The following FUBP1 variants were observed in gnomAD, a reference collection of about 807,000 sequenced individuals.
FUBP1 encodes far upstream element-binding protein 1.
A neutral mutation model predicts 94.9 loss-of-function variants in FUBP1; 16 were observed. The observed-to-expected ratio is 0.17, with a 90% CI of 0.11 to 0.26. The LOEUF is 0.26. FUBP1 is among the 10% of genes least tolerant of loss of function. The pLI, the probability that FUBP1 is intolerant of heterozygous loss-of-function variation, is 1.00. For synonymous variants in FUBP1, 279 were observed against 254.9 expected, an observed-to-expected ratio of 1.09 and a Z score of -0.90; for missense variants, 583 against 808.6, an observed-to-expected ratio of 0.72 and a Z score of 3.38.
chr1:77,976,057 T>A (rs1658538137), intron 1 of FUBP1, among the ~76,000 whole-genome samples: 1 of 152,172 alleles, frequency 6.6e-6, no homozygotes, highest in Non-Finnish European at 1.5e-5. Context: ...TGAAGCTCCT[T>A]GAGAGCAGGA....
rs1651954186 is a variant in FUBP1 at position 77,945,442 on chromosome 1, C to A, written c.*3324G>T. On this transcript the variant is annotated 3_prime_UTR_variant, in exon 20 of 20. Coordinates refer to ENST00000370768, the MANE Select transcript of FUBP1 (RefSeq NM_003902.5). ...AGTGATCAAAAGCAGGTACATTACA[C>A]CCTATACCATATTATGTATGGGAAT... is the stretch of plus-strand genomic sequence containing the variant. The A allele has an allele frequency of 4.7e-6, 1 of 212,528 alleles. No individual in the cohort carries two copies. Among genetic ancestry groups the A allele is most frequent in the Admixed American group, 5.9e-5 (1 of 17,062 alleles). 13.2% of individuals were successfully genotyped at this position (212,528 alleles called of 1,614,324 possible). A position where few individuals can be genotyped will look rare whatever the true frequency, so the allele number is the denominator to read the frequency against.
rs2102374965 is a variant in FUBP1 at position 77,962,828 on chromosome 1, A to G, written c.1286T>C (p.Ile429Thr). The G allele has an allele frequency of 6.2e-7, 1 of 1,612,396 alleles. No homozygotes were observed. The highest frequency in any genetic ancestry group is 8.5e-7 in the Non-Finnish European group (1 of 1,178,468). Residue 429 changes from isoleucine (I) to threonine (T), a missense_variant, in exon 14 of 20, where the codon ATT becomes ACT. By Grantham distance (89) the Ile-to-Thr change is moderately conservative. Coordinates refer to ENST00000370768, the MANE Select transcript of FUBP1 (RefSeq NM_003902.5). ...NADPNMKLFT[I>T]RGTPQQIDYA... ...GTCTATCTGTTGTGGAGTGCCACGAATTGTAAATAACTTCATATTAGGATC... is the reference window on the plus strand; with the variant it reads ...GTCTATCTGTTGTGGAGTGCCACGAGTTGTAAATAACTTCATATTAGGATC...
chr1:77,962,446 A>G (rs951002363), intron 14 of FUBP1, among the ~76,000 whole-genome samples: 1 of 152,192 alleles, frequency 6.6e-6, no homozygotes, highest in Non-Finnish European at 1.5e-5. Context: ...ATCTTAATAA[A>G]TAATGAATTC....
Position 77,949,286 on chromosome 1 carries a change from C to A in FUBP1, c.1795G>T (p.Ala599Ser), listed in dbSNP as rs1182831029. ...YYKKMGQAVP[A>S]PTGAPPGGQP... ...CCACCTGGAGGAGCCCCAGTCGGAGCAGGAACTGCCTGACCTTTGAAAAAA... is the reference window on the plus strand; with the variant it reads ...CCACCTGGAGGAGCCCCAGTCGGAGAAGGAACTGCCTGACCTTTGAAAAAA... The change falls in exon 19 of 20, where the codon GCT (alanine) becomes TCT (serine). Residue 599 changes from alanine to serine, a missense_variant. Ala to Ser is a moderately conservative substitution (Grantham distance 99). Transcript: ENST00000370768. The A allele has an allele frequency of 1.9e-6, 3 of 1,613,702 alleles. No homozygotes were observed. Among genetic ancestry groups the A allele is most frequent in the Non-Finnish European group, 2.5e-6 (3 of 1,179,628 alleles).
intron 17 of FUBP1, among the ~76,000 whole-genome samples, chr1:77,955,996 T>C (rs1247535209): frequency 6.6e-6 from 1 of 152,168 alleles, no homozygotes; most frequent in Non-Finnish European, 1.5e-5. Flanking sequence ...TTCAAAAGGA[T>C]ATAGGCACCA....
Position 77,948,408 on chromosome 1 carries a change from G to T in FUBP1, c.*358C>A. On this transcript the variant is annotated 3_prime_UTR_variant, in exon 20 of 20. Transcript: ENST00000370768. The stretch of plus-strand genomic sequence containing the variant: ...CATATCCAACTTACCGACACAGGAG[G>T]TTTCATATCATTTATTGTAAAGCAC... The T allele has an allele frequency of 1.8e-6, 2 of 1,082,884 alleles. No individual in the cohort carries two copies. Among genetic ancestry groups the T allele is most frequent in the Non-Finnish European group, 2.3e-6 (2 of 887,754 alleles). 67.1% of individuals were successfully genotyped at this position (1,082,884 alleles called of 1,614,324 possible).
chr1:77,949,429 G>A, intron 18 of FUBP1, 129 bp from the exon 19 acceptor site: 1 of 649,024 alleles, frequency 1.5e-6, no homozygotes, highest in Non-Finnish European at 2.5e-6. Context: ...GTTTGCCCTT[G>A]TTGACCAAAA....
At chr1:77,972,987 G>A (rs1349440203) in intron 1 of FUBP1, among the ~76,000 whole-genome samples, 6 of 147,598 alleles carry the variant, frequency 4.1e-5, no homozygotes, top group East Asian at 2.0e-4. Context: ...GGAGTTCAAC[G>A]CTAATACAGC....
In FUBP1 at chr1:77,978,883, AC is replaced by A; in HGVS notation, c.120+1del. On this transcript the variant is annotated splice_donor_variant, in intron 1 of 19. Transcript: ENST00000370768. LOFTEE classifies it high-confidence loss of function. ...GGATTCCGCCGCGCGGTCCACACTT[AC>A]CTGCCGGGCTCTCTGCAGTGCATCT... is the stretch of plus-strand genomic sequence containing the variant. 1 of 1,613,468 alleles carries A rather than the reference AC, an allele frequency of 6.2e-7. No homozygotes were observed.
intron 2 of FUBP1, chr1:77,969,021 C>A: frequency 8.2e-7 from 1 of 1,221,668 alleles, no homozygotes; most frequent in South Asian, 1.3e-5. Context: ...AAAATTCCTG[C>A]CTTTAAAAGG....
intron 12 of FUBP1, 151 bp downstream of exon 12, chr1:77,963,911 G>A (rs1656002170): frequency 3.0e-6 from 2 of 676,802 alleles, no homozygotes; most frequent in Non-Finnish European, 5.1e-6. Context: ...AGTTCTTCCT[G>A]CTCCAAGATC....
Position 77,966,906 on chromosome 1 carries a change from T to C in FUBP1, c.393A>G (p.Gly131=), listed in dbSNP as rs774576107. The change falls in exon 6 of 20, where the codon GGA becomes GGG. Residue 131 remains glycine (G), a synonymous_variant. Transcript: ENST00000370768. The stretch of plus-strand genomic sequence containing the variant: ...TACCAGGAGCTATCTGTATTTTGCA[T>C]CCAGATTCCTGTTGTATGCGTGAGA... ...EQISRIQQES[G]CKIQIAPDSG... 4 of 1,599,072 alleles carry C rather than the reference T, an allele frequency of 2.5e-6. No individual in the cohort carries two copies. The Admixed American group carries it at 6.7e-5, about 27-fold the overall frequency.
At position 77,946,090 on chromosome 1, in the gene FUBP1, TAAAG is replaced by T. The variant is rs777883064; in HGVS notation, c.*2672_*2675del. On this transcript the variant is annotated 3_prime_UTR_variant, in exon 20 of 20. Transcript: ENST00000370768. ...TTATAGTTTAAGAATAAGAAAAAAA[TAAAG>T]AAATTATAATTTTGGAGGGCAAAGA... Among the ~76,000 whole-genome samples, 10 of 151,842 alleles carry T rather than the reference TAAAG, an allele frequency of 6.6e-5. No homozygotes were observed. The highest frequency in any genetic ancestry group is 4.1e-4 in the South Asian group (2 of 4,824).
Position 77,946,353 on chromosome 1 carries a change from T to G in FUBP1, c.*2413A>C, listed in dbSNP as rs1652163170. On this transcript the variant is annotated 3_prime_UTR_variant, in exon 20 of 20. Coordinates refer to ENST00000370768, the MANE Select transcript of FUBP1 (RefSeq NM_003902.5). Reference sequence around the variant, plus strand: ...AAATAAAAAACATTACCCAGAAATGTAAACAGTTGCTTTAACAACTTACAG... The same window carrying G: ...AAATAAAAAACATTACCCAGAAATGGAAACAGTTGCTTTAACAACTTACAG... 5.2e-6 allele frequency: 1 copy of G among 192,914 alleles called. No individual in the cohort carries two copies. The allele number at this position is 192,914 out of a possible 1,614,324, so 12.0% of individuals were successfully genotyped here. A position where few individuals can be genotyped will look rare whatever the true frequency, so the allele number is the denominator to read the frequency against.
chr1:77,953,966 T>C (rs1435707263), intron 18 of FUBP1, among the ~76,000 whole-genome samples: 1 of 152,088 alleles, frequency 6.6e-6, no homozygotes, highest in East Asian at 1.9e-4. Flanking sequence ...ACATTACCCA[T>C]TGAGAAAATA....
chr1:77,952,245 AT>A (rs1370700450), intron 18 of FUBP1, among the ~76,000 whole-genome samples: 5 of 152,058 alleles, frequency 3.3e-5, no homozygotes, highest in Non-Finnish European at 4.4e-5. Flanking sequence ...TCTCAAAAAA[AT>A]AAAATAAAAA....
Position 77,949,273 on chromosome 1 carries a change from G to A in FUBP1, c.1808C>T (p.Ala603Val), listed in dbSNP as rs200035916. The A allele has an allele frequency of 1.9e-6, 3 of 1,613,618 alleles. No homozygotes were observed. The highest frequency in any genetic ancestry group is 2.5e-6 in the Non-Finnish European group (3 of 1,179,608). ...ATAATCTGGCTGACCACCTGGAGGA[G>A]CCCCAGTCGGAGCAGGAACTGCCTG... ...MGQAVPAPTG[A>V]PPGGQPDYSA... The change falls in exon 19 of 20, where the codon GCT (alanine) becomes GTT (valine). Residue 603 changes from alanine to valine, a missense_variant. Physicochemically the swap from Ala to Val is moderately conservative, Grantham distance 64. Coordinates refer to ENST00000370768, the MANE Select transcript of FUBP1 (RefSeq NM_003902.5).
chr1:77,963,960 G>GCTC, intron 12 of FUBP1, 102 bp downstream of exon 12: 1 of 780,942 alleles, frequency 1.3e-6, no homozygotes, highest in Non-Finnish European at 2.2e-6. Flanking sequence ...CATTAATAAA[G>GCTC]CATCATCAAG....
intron 1 of FUBP1, among the ~76,000 whole-genome samples, chr1:77,972,786 GAAA>G (rs1286286526): frequency 1.3e-5 from 2 of 151,132 alleles, no homozygotes; most frequent in Non-Finnish European, 3.0e-5. Flanking sequence ...GAAAAGAAAA[GAAA>G]AGAAAAGAAA....
Sources: allele counts gnomAD v4.1 joint callset (sites outside exome capture counted in the v4.1 genomes callset), GRCh38; gene constraint gnomAD v4.1.1; transcripts MANE v1.5; gene names NCBI Gene and HGNC (gene_info 2026-07-23, HGNC 2026-07-21).